Variants in TDRD12 observed in about 807,000 individuals in gnomAD.
The protein encoded by TDRD12 is tudor domain containing 12, also known as putative ATP-dependent RNA helicase TDRD12.
Under a neutral mutation model 133.5 loss-of-function variants are expected in TDRD12, and 158 were observed. The observed-to-expected ratio is 1.18, with a 90% confidence interval of 1.04 to 1.35. The LOEUF (loss-of-function observed/expected upper bound fraction) is 1.35, where lower values mean the gene tolerates loss of function less well. Among genes scored for constraint, TDRD12 ranks in the 40% most tolerant of loss-of-function variants. The pLI, the probability that TDRD12 is intolerant of heterozygous loss-of-function variation, is 0.00. For missense variants in TDRD12, 1,443 were observed against 1,321.3 expected (o/e 1.09, Z -1.43); for synonymous variants, 460 against 477.9 (o/e 0.96, Z 0.49).
intron 27 of TDRD12, among the ~76,000 whole-genome samples, chr19:32,820,135 G>A (rs984603885): frequency 1.3e-5 from 2 of 152,132 alleles, no homozygotes; most frequent in African/African-American, 2.4e-5. Context: ...GGCTCAGGAC[G>A]CTCGCTGCCT....
At chr19:32,739,696 CTCTCTGCATCTCCTGGGTA>C in intron 3 of TDRD12, among the ~76,000 whole-genome samples, 1 of 123,424 alleles carries the variant, frequency 8.1e-6, no homozygotes, top group African/African-American at 3.0e-5. Context: ...CTCCTGGGTA[CTCTCTGCATCTCCTGGGTA>C]CTCTCTGCAT....
chr19:32,752,953 T>C (rs901681416), intron 6 of TDRD12, among the ~76,000 whole-genome samples: 11 of 152,028 alleles, frequency 7.2e-5, no homozygotes, highest in Admixed American at 5.9e-4. Context: ...CCACCACGCC[T>C]GGCTAATTTT....
intron 1 of TDRD12, among the ~76,000 whole-genome samples, chr19:32,728,420 C>T (rs1417891699): frequency 6.6e-6 from 1 of 151,932 alleles, no homozygotes; most frequent in Non-Finnish European, 1.5e-5. Flanking sequence ...TTATTTATGT[C>T]TTCTTTAATT....
chr19:32,750,258 G>A (rs185466573), intron 6 of TDRD12, among the ~76,000 whole-genome samples: 4 of 152,046 alleles, frequency 2.6e-5, no homozygotes, highest in Non-Finnish European at 4.4e-5. Flanking sequence ...GAAAGAAAGC[G>A]GACATCATAT....
intron 26 of TDRD12, 39 bp from the exon 27 acceptor site, chr19:32,818,050 A>G (rs1335973918): frequency 1.4e-6 from 1 of 701,974 alleles, no homozygotes; most frequent in African/African-American, 1.8e-5. Flanking sequence ...ACAGATGCAC[A>G]TGATTATTTG....
rs528586622 is a variant in TDRD12, at chr19:32,733,116, A to T, written c.183+1233A>T. ...GAGCCTGGGAGGTAATAGCTGCAGT[A>T]AGCTGTGTTTGCGCCACTGCACTCT... is the stretch of plus-strand genomic sequence containing the variant. On this transcript the variant is annotated intron_variant, in intron 2 of 27. Coordinates refer to ENST00000444215, the Ensembl canonical transcript of TDRD12. 3.3e-5 allele frequency among the ~76,000 whole-genome samples: 5 copies of T among 152,204 alleles called. No homozygotes were observed. In the East Asian group the frequency reaches 9.7e-4, roughly 29 times the overall value.
rs528098971 is a variant in TDRD12, at chr19:32,762,320, A to G, written c.865+5190A>G. On this transcript the variant is annotated intron_variant, in intron 8 of 27. Coordinates refer to ENST00000444215, the Ensembl canonical transcript of TDRD12. Reference sequence around the variant, plus strand: ...ATTTTCTAGGAGTTTTGTATTTTGCATTTTTCATTTAGATCCATTTGAGTT... The same window carrying G: ...ATTTTCTAGGAGTTTTGTATTTTGCGTTTTTCATTTAGATCCATTTGAGTT... 4.6e-5 allele frequency among the ~76,000 whole-genome samples: 7 copies of G among 152,104 alleles called. 1 individual carries two copies. Among genetic ancestry groups the G allele is most frequent in the African/African-American group, 1.7e-4 (7 of 41,492 alleles).
rs1396462676 is a variant in TDRD12, at chr19:32,784,671, C to T, written c.1122-5860C>T. Among the ~76,000 whole-genome samples the T allele has an allele frequency of 2.0e-5, 3 of 152,044 alleles. No individual in the cohort carries two copies. In the East Asian group the frequency reaches 5.8e-4, roughly 29 times the overall value. On this transcript the variant is annotated intron_variant, in intron 11 of 27. Transcript: ENST00000444215. ...ACAGCCTCAATTTCAGAACCTGTTA[C>T]TGGTCTATTCAGAGATTCGACTTCT...
downstream of TDRD12, among the ~76,000 whole-genome samples, chr19:32,822,867 C>A (rs1568500724): frequency 6.6e-6 from 1 of 152,148 alleles, no homozygotes; most frequent in Non-Finnish European, 1.5e-5. Flanking sequence ...CTTCGTGTGG[C>A]CTTTTAATTT....
chr19:32,780,871 C>T (rs181888225), intron 11 of TDRD12, among the ~76,000 whole-genome samples: 24 of 151,270 alleles, frequency 1.6e-4, no homozygotes, highest in African/African-American at 5.8e-4. Flanking sequence ...AATCCTCCTG[C>T]CTCAACCTCC....
At chr19:32,816,964 C>T (rs549441701) in intron 26 of TDRD12, among the ~76,000 whole-genome samples, 1 of 152,272 alleles carries the variant, frequency 6.6e-6, no homozygotes, top group South Asian at 2.1e-4. Context: ...CCACAGCATG[C>T]CCAGCCCACC....
intron 6 of TDRD12, among the ~76,000 whole-genome samples, chr19:32,755,348 A>T (rs1435893036): frequency 6.6e-6 from 1 of 152,202 alleles, no homozygotes; most frequent in African/African-American, 2.4e-5. Flanking sequence ...TTACCTTCCC[A>T]TCAGCAATGA....
intron 13 of TDRD12, among the ~76,000 whole-genome samples, chr19:32,792,993 G>T (rs932578082): frequency 5.3e-5 from 8 of 152,106 alleles, no homozygotes; most frequent in African/African-American, 1.9e-4. Flanking sequence ...CAAGACCAGC[G>T]TGGGCAACAT....
At chr19:32,726,119 C>T (rs995325029) in intron 1 of TDRD12, among the ~76,000 whole-genome samples, 6 of 149,582 alleles carry the variant, frequency 4.0e-5, no homozygotes, top group East Asian at 3.9e-4. Context: ...CTTGCTCTGT[C>T]GCCCAGGCCG....
chr19:32,724,026 T>TA (rs543008151), intron 1 of TDRD12, among the ~76,000 whole-genome samples: 4 of 151,970 alleles, frequency 2.6e-5, no homozygotes, highest in African/African-American at 9.7e-5. Context: ...CCTGGTTAAT[T>TA]AAAAAAAATT....
At chr19:32,782,375 A>T (rs1049941921) in intron 11 of TDRD12, among the ~76,000 whole-genome samples, 2 of 152,192 alleles carry the variant, frequency 1.3e-5, no homozygotes, top group Admixed American at 6.5e-5. Context: ...ATTGATGGAC[A>T]TTTGGGTTGG....
At chr19:32,817,997 A>C in intron 26 of TDRD12, 92 bp from the exon 27 acceptor site, 2 of 678,564 alleles carry the variant, frequency 2.9e-6, no homozygotes, top group Admixed American at 4.5e-5. Context: ...GTTTTTACCC[A>C]TGCACTCCAA....
Position 32,794,616 on chromosome 19 carries a change from T to C in TDRD12, c.1288-12T>C, listed in dbSNP as rs760397600. ...TACCTTATTTTGGTTTCTGGTTGTT[T>C]CTGTTTTGTAGGCTCTTCAAAGAAA... On this transcript the variant is annotated splice_polypyrimidine_tract_variant and intron_variant, in intron 13 of 27. Transcript: ENST00000444215. 7.1e-6 allele frequency: 5 copies of C among 699,330 alleles called. No homozygotes were observed. The highest frequency in any genetic ancestry group is 2.3e-4 in the Middle Eastern group (1 of 4,354). 43.3% of individuals were successfully genotyped at this position (699,330 alleles called of 1,614,324 possible).
At chr19:32,818,138 G>A (rs768427738) in exon 27 of TDRD12, 10 of 702,380 alleles carry the variant, frequency 1.4e-5, no homozygotes, top group East Asian at 5.4e-5. Context: ...TCATCCATCC[G>A]AGGAGCAGGG....
Sources: allele counts gnomAD v4.1 joint callset (sites outside exome capture counted in the v4.1 genomes callset), GRCh38; gene constraint gnomAD v4.1.1; transcripts MANE v1.5; gene names NCBI Gene and HGNC (gene_info 2026-07-23, HGNC 2026-07-21).